The following ALDH1L2 variants were observed in gnomAD, a reference collection of about 807,000 sequenced individuals.
The protein encoded by ALDH1L2 is mitochondrial 10-formyltetrahydrofolate dehydrogenase.
Under a neutral mutation model 111.0 loss-of-function variants are expected in ALDH1L2, and 91 were observed. The observed-to-expected ratio is 0.82, with a 90% confidence interval of 0.69 to 0.98. The LOEUF is 0.98. Among genes scored for constraint, ALDH1L2 ranks in the 50% least tolerant of loss-of-function variants. The pLI is 0.00. For missense variants in ALDH1L2, 995 were observed against 1,126.8 expected (o/e 0.88, Z 1.67); for synonymous variants, 374 against 392.6 (o/e 0.95, Z 0.56).
intron 11 of ALDH1L2, among the ~76,000 whole-genome samples, 171 bp from the exon 12 acceptor site, chr12:105,052,388 A>T (rs1876344095): frequency 6.6e-6 from 1 of 152,222 alleles, no homozygotes; most frequent in Non-Finnish European, 1.5e-5. Flanking sequence ...TTTAATATGA[A>T]AATTGTGAAC....
intron 20 of ALDH1L2, among the ~76,000 whole-genome samples, chr12:105,031,342 A>G (rs552763307): frequency 6.6e-6 from 1 of 152,362 alleles, no homozygotes; most frequent in South Asian, 2.1e-4. Flanking sequence ...TCTTATGAAT[A>G]GAAAGCTTGG....
chr12:105,035,912 TTA>T lies in ALDH1L2; in HGVS notation c.2146-1516_2146-1515del, dbSNP rs199968455. ...ACGTATATTTATATGTGTATATATA[TTA>T]TATATATACATATATTTATATGTGT... On this transcript the variant is annotated intron_variant, in intron 18 of 22. Transcript: ENST00000258494. 3.9e-4 allele frequency among the ~76,000 whole-genome samples: 33 copies of T among 84,490 alleles called. 3 individuals are homozygous for T. Among genetic ancestry groups the T allele is most frequent in the South Asian group, 1.6e-3 (5 of 3,172 alleles). The allele number at this position is 84,490 out of a possible 152,430, so 55.4% of individuals were successfully genotyped here. A position where few individuals can be genotyped will look rare whatever the true frequency, so the allele number is the denominator to read the frequency against.
Position 105,030,377 on chromosome 12 carries a change from G to A in ALDH1L2, c.2463C>T (p.Leu821=), listed in dbSNP as rs752107804. 1.2e-5 allele frequency: 19 copies of A among 1,613,410 alleles called. No individual in the cohort carries two copies. The highest frequency in any genetic ancestry group is 1.4e-5 in the Non-Finnish European group (17 of 1,179,658). The change falls in exon 21 of 23, where the codon CTC becomes CTT. Residue 821 remains leucine, a synonymous_variant. Transcript: ENST00000258494. ...TAGGCCCAAAGGATTCCTCTTTGGC[G>A]AGGTACATGTAGTCTTCCACATCTG... ...VFTDVEDYMY[L]AKEESFGPIM...
chr12:105,054,858 G>C (rs1876516791), intron 10 of ALDH1L2, among the ~76,000 whole-genome samples: 1 of 152,128 alleles, frequency 6.6e-6, no homozygotes, highest in Non-Finnish European at 1.5e-5. Context: ...GCTTGGGCTT[G>C]TCTTTACTAG....
chr12:105,027,116 C>A (rs1316419036), intron 21 of ALDH1L2, among the ~76,000 whole-genome samples: 1 of 152,268 alleles, frequency 6.6e-6, no homozygotes, highest in African/African-American at 2.4e-5. Flanking sequence ...CTCAAACTAT[C>A]CCCCAACCTT....
rs551518682 is a variant in ALDH1L2, at chr12:105,050,363, C to T, written c.1536-305G>A. ...AGTCATTGGAACCACATTCCCAGAACCCACACTTCTGAGAACCCATGAACA... is the reference window on the plus strand; with the variant it reads ...AGTCATTGGAACCACATTCCCAGAATCCACACTTCTGAGAACCCATGAACA... On this transcript the variant is annotated intron_variant, in intron 12 of 22. Transcript: ENST00000258494. 3.9e-5 allele frequency: 8 copies of T among 203,306 alleles called. No homozygotes were observed. In the South Asian group the frequency reaches 9.4e-4, roughly 24 times the overall value. 12.6% of individuals were successfully genotyped at this position (203,306 alleles called of 1,614,324 possible). A position where few individuals can be genotyped will look rare whatever the true frequency, so the allele number is the denominator to read the frequency against.
Position 105,022,752 on chromosome 12 carries a change from A to T in ALDH1L2, c.*1672T>A, listed in dbSNP as rs1250020895. ...AATTCGCTCTGTTTATCATGCTGGG[A>T]TCAAACCTCCTATTCTTCCTTTTGA... On this transcript the variant is annotated 3_prime_UTR_variant, in exon 23 of 23. Transcript: ENST00000258494. The T allele has an allele frequency of 1.3e-5, 2 of 152,150 alleles. No homozygotes were observed. The highest frequency in any genetic ancestry group is 2.9e-5 in the Non-Finnish European group (2 of 68,024). 9.4% of individuals were successfully genotyped at this position (152,150 alleles called of 1,614,324 possible).
intron 1 of ALDH1L2, among the ~76,000 whole-genome samples, chr12:105,082,990 C>T (rs1383642841): frequency 6.6e-6 from 1 of 152,254 alleles, no homozygotes; most frequent in Non-Finnish European, 1.5e-5. Context: ...ATATGCACCC[C>T]TGCGTACAGT....
intron 15 of ALDH1L2, among the ~76,000 whole-genome samples, chr12:105,046,495 A>G (rs1194179802): frequency 2.6e-5 from 4 of 151,786 alleles, no homozygotes; most frequent in Non-Finnish European, 5.9e-5. Flanking sequence ...GCTTGCTTCT[A>G]TTATTATGAA....
chr12:105,079,346 T>A (rs1878227356), intron 1 of ALDH1L2, among the ~76,000 whole-genome samples: 1 of 152,238 alleles, frequency 6.6e-6, no homozygotes, highest in Non-Finnish European at 1.5e-5. Context: ...CGCAACTTGA[T>A]GTTCCTATTG....
chr12:105,036,365 TTA>T (rs370427140), intron 18 of ALDH1L2, among the ~76,000 whole-genome samples: 38 of 67,456 alleles, frequency 5.6e-4, no homozygotes, highest in Admixed American at 8.4e-4. Flanking sequence ...TGTATATATA[TTA>T]TATATATACG....
rs1418348373 is a variant in ALDH1L2, at chr12:105,020,856, CTG to C, written c.*3566_*3567del. 6.6e-6 allele frequency: 1 copy of C among 152,182 alleles called. No homozygotes were observed. Among genetic ancestry groups the C allele is most frequent in the Non-Finnish European group, 1.5e-5 (1 of 68,046 alleles). 9.4% of individuals were successfully genotyped at this position (152,182 alleles called of 1,614,324 possible). ...GATGGCATGCATCTCTTCCCAAACT[CTG>C]TATTCAGTGAAGGCAAATTAGTGGC... On this transcript the variant is annotated 3_prime_UTR_variant, in exon 23 of 23. Transcript: ENST00000258494.
At chr12:105,044,431 C>T (rs895956172) in intron 15 of ALDH1L2, among the ~76,000 whole-genome samples, 1 of 151,480 alleles carries the variant, frequency 6.6e-6, no homozygotes, top group South Asian at 2.1e-4. Context: ...ATATGGGGCC[C>T]CATCTCTGCC....
intron 9 of ALDH1L2, among the ~76,000 whole-genome samples, chr12:105,059,040 G>A (rs921634531): frequency 2.6e-5 from 4 of 151,786 alleles, no homozygotes; most frequent in Non-Finnish European, 4.4e-5. Context: ...AGGCCGAGGC[G>A]GGTGGATCAC....
intron 1 of ALDH1L2, among the ~76,000 whole-genome samples, chr12:105,082,669 C>T (rs1421643615): frequency 6.6e-6 from 1 of 152,146 alleles, no homozygotes; most frequent in African/African-American, 2.4e-5. Context: ...CATCAATAAA[C>T]AGGTTTCTAT....
Position 105,046,967 on chromosome 12 carries a change from A to C in ALDH1L2, c.1689T>G (p.Gly563=). The C allele has an allele frequency of 6.2e-7, 1 of 1,613,870 alleles. No individual in the cohort carries two copies. The highest frequency in any genetic ancestry group is 1.7e-5 in the Admixed American group (1 of 60,012). ...YFAGWCDKIQ[G]STIPINQARP... Reference sequence around the variant, plus strand: ...GGGCCTGGTTGATTGGAATAGTAGAACCCTAAAGAATGAGAAAAGTTGATA... The same window carrying C: ...GGGCCTGGTTGATTGGAATAGTAGACCCCTAAAGAATGAGAAAAGTTGATA... The change falls in exon 14 of 23, where the codon GGT becomes GGG. Residue 563 remains glycine (G), a splice_region_variant and synonymous_variant. Transcript: ENST00000258494.
intron 6 of ALDH1L2, 54 bp from the exon 7 acceptor site, chr12:105,063,076 C>A (rs1447792082): frequency 1.9e-6 from 3 of 1,579,892 alleles, no homozygotes; most frequent in Admixed American, 1.9e-5. Flanking sequence ...CTGTTCATAG[C>A]GGTATGTATA....
chr12:105,034,642 A>T (rs1361541739), intron 18 of ALDH1L2, among the ~76,000 whole-genome samples: 1 of 152,148 alleles, frequency 6.6e-6, no homozygotes, highest in Non-Finnish European at 1.5e-5. Flanking sequence ...TTTTTAAAAA[A>T]ATGTATGTGT....
chr12:105,054,084 T>A (rs1364132571), intron 10 of ALDH1L2, among the ~76,000 whole-genome samples: 1 of 151,674 alleles, frequency 6.6e-6, no homozygotes, highest in Non-Finnish European at 1.5e-5. Context: ...ATAATGGAGG[T>A]AATAATAATG....
Sources: gnomAD v4.1 joint callset for allele counts (sites outside exome capture counted in the v4.1 genomes callset) on GRCh38, gnomAD v4.1.1 for gene constraint, MANE v1.5 for transcripts, NCBI Gene and HGNC (gene_info 2026-07-23, HGNC 2026-07-21) for gene names.